The following ZNF282 variants were observed in gnomAD, a reference collection of about 807,000 sequenced individuals.
The protein encoded by ZNF282 is zinc finger protein 282, also known as HTLV-I U5 repressive element-binding protein 1.
ZNF282 carries 30 observed loss-of-function variants against 61.9 expected under a neutral mutation model. The observed-to-expected ratio is 0.48, with a 90% confidence interval of 0.36 to 0.66. The LOEUF (loss-of-function observed/expected upper bound fraction) is 0.66. ZNF282 is among the 30% of genes least tolerant of loss of function. The pLI is 0.00. For missense variants in ZNF282, 788 were observed against 941.4 expected, an observed-to-expected ratio of 0.84 and a Z score of 2.13; for synonymous variants, 396 against 405.0, an observed-to-expected ratio of 0.98 and a Z score of 0.27.
chr7:149,217,528 C>A (rs986766802), intron 7 of ZNF282, among the ~76,000 whole-genome samples: 1 of 151,986 alleles, frequency 6.6e-6, no homozygotes, highest in African/African-American at 2.4e-5. Context: ...TGCGCCCCTG[C>A]ACTACAGCCT....
At chr7:149,196,631 C>A (rs960669408) in intron 1 of ZNF282, among the ~76,000 whole-genome samples, 1 of 152,118 alleles carries the variant, frequency 6.6e-6, no homozygotes, top group African/African-American at 2.4e-5. Flanking sequence ...CCAGGGGCTG[C>A]TGTGTTGTGT....
rs1235263641 is a variant in ZNF282, at chr7:149,224,807, G to A, written c.*160G>A. 1 of 1,292,698 alleles carries A rather than the reference G, an allele frequency of 7.7e-7. No individual in the cohort carries two copies. The highest frequency in any genetic ancestry group is 1.6e-5 in the South Asian group (1 of 64,228). The allele number at this position is 1,292,698 out of a possible 1,614,324, so 80.1% of individuals were successfully genotyped here. A position where few individuals can be genotyped will look rare whatever the true frequency, so the allele number is the denominator to read the frequency against. Reference sequence around the variant, plus strand: ...GGTGGGGCAGGGATCCCCCAGATCTGTCTGGTCTGAATGGACGCCCAGCTC... The same window carrying A: ...GGTGGGGCAGGGATCCCCCAGATCTATCTGGTCTGAATGGACGCCCAGCTC... On this transcript the variant is annotated 3_prime_UTR_variant, in exon 8 of 8. Transcript: ENST00000610704.
At chr7:149,217,385 A>C (rs528370018) in intron 7 of ZNF282, among the ~76,000 whole-genome samples, 2 of 152,230 alleles carry the variant, frequency 1.3e-5, no homozygotes, top group South Asian at 2.1e-4. Flanking sequence ...AAAAATACAA[A>C]AAACAAACAA....
At chr7:149,223,740 C>A in intron 7 of ZNF282, 72 bp from the exon 8 acceptor site, 2 of 1,376,898 alleles carry the variant, frequency 1.5e-6, no homozygotes, top group Non-Finnish European at 1.9e-6. Flanking sequence ...CTCCCTGGGC[C>A]CCCCTTCGGG....
At chr7:149,197,071 G>A (rs543632775) in intron 1 of ZNF282, among the ~76,000 whole-genome samples, 75 of 152,356 alleles carry the variant, frequency 4.9e-4, no homozygotes, top group African/African-American at 1.6e-3. Flanking sequence ...CCCTGAGTCT[G>A]ACACCAGGTC....
intron 7 of ZNF282, among the ~76,000 whole-genome samples, 159 bp from the exon 8 acceptor site, chr7:149,223,653 C>T (rs994927360): frequency 3.1e-4 from 47 of 152,124 alleles, no homozygotes; most frequent in African/African-American, 1.1e-3. Context: ...TCGAACAGGT[C>T]GAAGGGCCAC....
At position 149,211,613 on chromosome 7, in the gene ZNF282, C is replaced by T. The variant is rs536752123; in HGVS notation, c.953-745C>T. On this transcript the variant is annotated intron_variant, in intron 5 of 7. Transcript: ENST00000610704. Reference sequence around the variant, plus strand: ...GTACCGTGGCCGAGCCAAGTTGACACATAAAATCAACAATCATGAGACATA... The same window carrying T: ...GTACCGTGGCCGAGCCAAGTTGACATATAAAATCAACAATCATGAGACATA... Among the ~76,000 whole-genome samples the T allele has an allele frequency of 4.6e-5, 7 of 152,326 alleles. No homozygotes were observed. In the South Asian group the frequency reaches 1.2e-3, roughly 27 times the overall value.
At chr7:149,223,753 C>G in intron 7 of ZNF282, 59 bp from the exon 8 acceptor site, 1 of 1,400,400 alleles carries the variant, frequency 7.1e-7, no homozygotes. Context: ...CCTTCGGGAG[C>G]AGTGTGGGGT....
intron 2 of ZNF282, among the ~76,000 whole-genome samples, chr7:149,204,177 C>T (rs1166080950): frequency 7.9e-5 from 12 of 152,116 alleles, no homozygotes; most frequent in Non-Finnish European, 8.8e-5. Flanking sequence ...AAAAAAGACA[C>T]GTGCCAGATG....
intron 2 of ZNF282, among the ~76,000 whole-genome samples, chr7:149,199,143 C>T (rs531247745): frequency 6.6e-6 from 1 of 152,326 alleles, no homozygotes; most frequent in East Asian, 1.9e-4. Context: ...GCACCTCAAA[C>T]CAGGCTGCCT....
At chr7:149,206,549 T>G (rs756229340) in intron 2 of ZNF282, 147 bp from the exon 3 acceptor site, 5 of 1,120,796 alleles carry the variant, frequency 4.5e-6, no homozygotes, top group Non-Finnish European at 6.5e-6. Context: ...GAGGACTGAC[T>G]CCACTGAGAT....
At chr7:149,205,515 A>G (rs977824667) in intron 2 of ZNF282, among the ~76,000 whole-genome samples, 1 of 152,232 alleles carries the variant, frequency 6.6e-6, no homozygotes, top group African/African-American at 2.4e-5. Flanking sequence ...CTTTTCCTGC[A>G]TCTGGTGGAA....
In ZNF282 at chr7:149,198,399, G is replaced by T. The variant is rs1795854133; in HGVS notation, c.232G>T (p.Ala78Ser). 1 of 1,614,054 alleles carries T rather than the reference G, an allele frequency of 6.2e-7. No homozygotes were observed. The highest frequency in any genetic ancestry group is 1.7e-5 in the Admixed American group (1 of 59,984). Residue 78 changes from alanine to serine, a missense_variant, in exon 2 of 8, where the codon GCA becomes TCA. Physicochemically the swap from Ala to Ser is moderately conservative, Grantham distance 99 (BLOSUM62 1). Transcript: ENST00000610704. The surrounding 1 kb of genome is among the most constrained non-coding windows in gnomAD (Gnocchi z 4.3). ...PFQFPPFPDR[A>S]PVFPDRMMRE... The stretch of plus-strand genomic sequence containing the variant: ...TCAGTTCCCACCCTTTCCAGATAGG[G>T]CACCTGTCTTCCCCGACCGCATGAT...
chr7:149,209,928 C>T (rs1796055620), intron 4 of ZNF282, among the ~76,000 whole-genome samples: 1 of 152,136 alleles, frequency 6.6e-6, no homozygotes. Flanking sequence ...TTTTCTTTCT[C>T]ATCAATGTTA....
chr7:149,207,130 C>G (rs1796003707), intron 3 of ZNF282, among the ~76,000 whole-genome samples: 1 of 152,210 alleles, frequency 6.6e-6, no homozygotes, highest in African/African-American at 2.4e-5. Context: ...TAAGCCATAG[C>G]TGGTCTGATG....
intron 7 of ZNF282, among the ~76,000 whole-genome samples, chr7:149,217,563 CA>C (rs202181984): frequency 3.1e-4 from 45 of 144,254 alleles, no homozygotes; most frequent in South Asian, 2.2e-3. Context: ...GGCTCTGTCT[CA>C]AAAAAAAAAA....
At chr7:149,223,136 G>A (rs866682155) in intron 7 of ZNF282, among the ~76,000 whole-genome samples, 2 of 151,478 alleles carry the variant, frequency 1.3e-5, no homozygotes, top group Admixed American at 6.6e-5. Context: ...CACCACTCCC[G>A]GCTAATTTTG....
At chr7:149,196,092 C>G (rs980979406) in intron 1 of ZNF282, among the ~76,000 whole-genome samples, 2 of 152,062 alleles carry the variant, frequency 1.3e-5, no homozygotes, top group African/African-American at 4.8e-5. Flanking sequence ...CTTGGGGCTC[C>G]CTTTGCGCCC....
At chr7:149,212,316 C>A in intron 5 of ZNF282, 42 bp from the exon 6 acceptor site, 1 of 1,408,364 alleles carries the variant, frequency 7.1e-7, no homozygotes, top group Non-Finnish European at 9.8e-7. Flanking sequence ...CAGGAGATTT[C>A]GCATCTTCTA....
Sources: allele counts gnomAD v4.1 joint callset (sites outside exome capture counted in the v4.1 genomes callset), GRCh38; gene constraint gnomAD v4.1.1; non-coding constraint Gnocchi (gnomAD v3.1); transcripts MANE v1.5; gene names NCBI Gene and HGNC (gene_info 2026-07-23, HGNC 2026-07-21).